The following SHF variants were observed in gnomAD, a reference collection of about 807,000 sequenced individuals.
The protein encoded by SHF is SH2 domain-containing adapter protein F.
Under a neutral mutation model 42.4 loss-of-function variants are expected in SHF, and 30 were observed. The observed-to-expected ratio is 0.71, with a 90% confidence interval of 0.53 to 0.96. SHF has a LOEUF of 0.96. Among genes scored for constraint, SHF ranks in the 40% least tolerant of loss-of-function variants. The pLI, the probability that SHF is intolerant of heterozygous loss-of-function variation, is 0.00. For synonymous variants in SHF, 264 were observed against 269.9 expected (o/e 0.98, Z 0.21); for missense variants, 598 against 634.0 (o/e 0.94, Z 0.61).
intron 2 of SHF, chr15:45,198,641 C>T (rs1437086832): frequency 1.7e-6 from 2 of 1,178,948 alleles, no homozygotes; most frequent in South Asian, 2.0e-5. Context: ...GTTGCTGCGG[C>T]CACAACGCAG....
chr15:45,195,355 A>G (rs2141449791), intron 2 of SHF, among the ~76,000 whole-genome samples: 1 of 152,322 alleles, frequency 6.6e-6, no homozygotes, highest in Admixed American at 6.5e-5. Context: ...CTTGCTACAC[A>G]CTGCCCAGTT....
At chr15:45,198,619 A>C (rs1898954008) in intron 2 of SHF, 2 of 928,534 alleles carry the variant, frequency 2.2e-6, no homozygotes, top group South Asian at 4.8e-5. Context: ...CGTGACTCGG[A>C]TTCGAACCGA....
intron 1 of SHF, 46 bp downstream of exon 1, chr15:45,187,408 C>A: frequency 8.1e-7 from 1 of 1,231,490 alleles, no homozygotes; most frequent in South Asian, 4.1e-5. Flanking sequence ...CTCCAGACCC[C>A]TGACCGCCTT....
chr15:45,188,342 A>C (rs1898586138), upstream of SHF, among the ~76,000 whole-genome samples: 2 of 152,154 alleles, frequency 1.3e-5, no homozygotes, highest in Non-Finnish European at 2.9e-5. Flanking sequence ...AGGGAGCCTT[A>C]CGCCTCTCCT....
chr15:45,176,331 G>T (rs988739339), intron 2 of SHF, among the ~76,000 whole-genome samples: 3 of 149,376 alleles, frequency 2.0e-5, no homozygotes, highest in Non-Finnish European at 3.0e-5. Flanking sequence ...CCATTATTTT[G>T]TCCTTCCTGA....
Position 45,172,189 on chromosome 15 carries a change from A to T in SHF, c.1118T>A (p.Leu373Gln), listed in dbSNP as rs751974362. ...KPLSMEPSSPLGEWTDPALPL... is the reference protein window; with the variant it reads ...KPLSMEPSSPQGEWTDPALPL... ...CAGTGCTGGATCTGTCCACTCCCCC[A>T]GGGGGCTGCTGGGCTCCATGCTTAG... Residue 373 changes from leucine to glutamine, a missense_variant, in exon 5 of 7, where the codon CTG (leucine) becomes CAG (glutamine). By Grantham distance (113) the Leu-to-Gln change is moderately radical (BLOSUM62 -2). Transcript: ENST00000690270. 6 of 1,613,712 alleles carry T rather than the reference A, an allele frequency of 3.7e-6. No homozygotes were observed. The South Asian group carries it at 6.6e-5, about 18-fold the overall frequency.
At chr15:45,192,398 C>T (rs180717349), upstream of SHF, among the ~76,000 whole-genome samples, 671 of 114,824 alleles carry the variant, frequency 5.8e-3, 3 homozygotes, top group Middle Eastern at 0.043. Flanking sequence ...GACAGAGTCT[C>T]GCTCTGTCAT....
chr15:45,198,846 T>G (rs781336926), exon 2 of SHF: 20 of 1,613,872 alleles, frequency 1.2e-5, no homozygotes, highest in Non-Finnish European at 1.7e-5. Flanking sequence ...CTTTTCTTCT[T>G]CTGTTTTGGC....
chr15:45,191,350 T>C (rs978252064), upstream of SHF, among the ~76,000 whole-genome samples: 2 of 152,128 alleles, frequency 1.3e-5, no homozygotes, highest in African/African-American at 4.8e-5. Flanking sequence ...ACCTGGCTAA[T>C]TTATTGTATT....
rs1442033867 is a variant in SHF, at chr15:45,175,366, C to T, written c.700G>A (p.Glu234Lys). ...QPLPLYDTPY[E>K]PEEDGATAEG... ...GCGGTGGCCCCATCCTCCTCTGGCT[C>T]ATAGGGTGTGTCATACAGAGGCAAG... Residue 234 changes from glutamate to lysine, a missense_variant, in exon 3 of 7, where the codon GAG becomes AAG. Physicochemically the swap from Glu to Lys is moderately conservative, Grantham distance 56. Coordinates refer to ENST00000690270, the MANE Select transcript of SHF (RefSeq NM_001394037.1). 6.3e-7 allele frequency: 1 copy of T among 1,597,928 alleles called. No homozygotes were observed.
chr15:45,174,935 ACCCAGTC>A (rs1387226580), intron 3 of SHF, among the ~76,000 whole-genome samples: 1 of 152,154 alleles, frequency 6.6e-6, no homozygotes, highest in Non-Finnish European at 1.5e-5. Flanking sequence ...TTTTAAATAT[ACCCAGTC>A]CCCAAAAGAG....
At chr15:45,194,101 CAA>C (rs56176160) in intron 2 of SHF, among the ~76,000 whole-genome samples, 77 of 75,572 alleles carry the variant, frequency 1.0e-3, no homozygotes, top group Middle Eastern at 6.5e-3. Flanking sequence ...GAGTTTGTCT[CAA>C]AAAAAAAAAA....
chr15:45,193,648 T>C (rs1898776655), intron 2 of SHF, among the ~76,000 whole-genome samples: 1 of 151,974 alleles, frequency 6.6e-6, no homozygotes. Context: ...TGTGGGCAAA[T>C]TGGAGGAAAG....
chr15:45,196,625 T>C (rs62026665), intron 2 of SHF, among the ~76,000 whole-genome samples: 49,731 of 151,768 alleles, frequency 0.33, 9,187 homozygotes, highest in East Asian at 0.61. Context: ...AGGCCGGGCG[T>C]GGTGGCTCAC....
rs368264479 is a variant in SHF at position 45,173,561 on chromosome 15, C to T, written c.988+15G>A. On this transcript the variant is annotated intron_variant, in intron 4 of 6. Transcript: ENST00000690270. Reference sequence around the variant, plus strand: ...GAGGACATGTCACCCTGGCCAGAAGCCCCCCAGGACCCACCGCTGCTGTCC... The same window carrying T: ...GAGGACATGTCACCCTGGCCAGAAGTCCCCCAGGACCCACCGCTGCTGTCC... 2.2e-5 allele frequency: 33 copies of T among 1,478,270 alleles called. No homozygotes were observed. The highest frequency in any genetic ancestry group is 7.2e-6 in the Non-Finnish European group (8 of 1,114,774). The allele number at this position is 1,478,270 out of a possible 1,614,324, so 91.6% of individuals were successfully genotyped here.
intron 6 of SHF, 40 bp from the exon 7 acceptor site, chr15:45,168,173 C>T (rs759904721): frequency 2.7e-6 from 4 of 1,501,690 alleles, no homozygotes; most frequent in South Asian, 2.7e-5. Flanking sequence ...TGGGGGCTCT[C>T]CTCAGCCCCC....
chr15:45,178,072 G>A (rs1055056430), intron 2 of SHF, 93 bp downstream of exon 2: 1 of 1,473,684 alleles, frequency 6.8e-7, no homozygotes, highest in Non-Finnish European at 9.1e-7. Context: ...ATTTTCCAGG[G>A]ACCAAAGAAT....
chr15:45,188,734 C>T (rs1228728355), upstream of SHF, among the ~76,000 whole-genome samples: 3 of 152,256 alleles, frequency 2.0e-5, no homozygotes, highest in Admixed American at 6.5e-5. Context: ...GCAGAAATCC[C>T]TTCCAGCCAC....
chr15:45,188,724 G>A (rs1490381407), upstream of SHF, among the ~76,000 whole-genome samples: 2 of 152,228 alleles, frequency 1.3e-5, no homozygotes, highest in Non-Finnish European at 2.9e-5. Context: ...GCGCACGCAC[G>A]CAGAAATCCC....
Sources: allele counts gnomAD v4.1 joint callset (sites outside exome capture counted in the v4.1 genomes callset), GRCh38; gene constraint gnomAD v4.1.1; transcripts MANE v1.5; gene names NCBI Gene and HGNC (gene_info 2026-07-23, HGNC 2026-07-21).